TMA7B: variants seen among roughly 807,000 people sequenced by gnomAD.
The protein encoded by TMA7B is translation machinery-associated protein 7B.
chr22:39,964,391 G>A, the TMA7B span: 1 of 769,266 alleles, frequency 1.3e-6, no homozygotes, highest in Non-Finnish European at 2.3e-6. Context: ...AGCCACGAAG[G>A]TGGCAAGAAG....
chr22:39,964,580 G>A, the TMA7B span: 1 of 794,118 alleles, frequency 1.3e-6, no homozygotes. Flanking sequence ...GCTGTTCCTT[G>A]TGCCTAAGGA....
chr22:39,964,359 A>AG, the TMA7B span: 1 of 715,374 alleles, frequency 1.4e-6, no homozygotes, highest in African/African-American at 1.7e-5. Context: ...GGTCTGGGGA[A>AG]GGGGCGGCAG....
the TMA7B span, among the ~76,000 whole-genome samples, chr22:39,963,491 G>C: frequency 6.6e-6 from 1 of 152,158 alleles, no homozygotes. Flanking sequence ...TAATGACTTT[G>C]AGTTGATCCA....
At chr22:39,961,934 A>G in the TMA7B span, among the ~76,000 whole-genome samples, 1 of 152,208 alleles carries the variant, frequency 6.6e-6, no homozygotes, top group Non-Finnish European at 1.5e-5. Flanking sequence ...CAGGTCAACA[A>G]TTTGTATGCA....
chr22:39,961,672 G>T, the TMA7B span, among the ~76,000 whole-genome samples: 2 of 152,190 alleles, frequency 1.3e-5, no homozygotes, highest in Admixed American at 1.3e-4. Context: ...AGGATCGCAA[G>T]TCACGTATCA....
chr22:39,964,685 A>C, the TMA7B span: 3 of 487,758 alleles, frequency 6.2e-6, no homozygotes, highest in African/African-American at 6.4e-5. Context: ...GTCGTCTTGG[A>C]GCTGTTGTAC....
chr22:39,960,902 C>T, the TMA7B span: 3 of 150,864 alleles, frequency 2.0e-5, no homozygotes, highest in African/African-American at 7.3e-5. Context: ...GGGGTTTGAT[C>T]TAAGGTAACA....
chr22:39,962,487 A>G, the TMA7B span, among the ~76,000 whole-genome samples: 2 of 152,074 alleles, frequency 1.3e-5, no homozygotes, highest in South Asian at 2.1e-4. Flanking sequence ...AATTATACAT[A>G]TATTTAACAT....
chr22:39,960,475 C>T, the TMA7B span: 4 of 326,040 alleles, frequency 1.2e-5, no homozygotes, highest in African/African-American at 8.2e-5. Context: ...ATGCCTTTAA[C>T]AGTGTCTTGC....
the TMA7B span, chr22:39,964,415 A>G: frequency 4.8e-6 from 4 of 828,234 alleles, no homozygotes; most frequent in African/African-American, 3.3e-5. Context: ...GCACTGAAAC[A>G]GCCCAAGAAG....
At chr22:39,963,616 T>C in the TMA7B span, among the ~76,000 whole-genome samples, 2 of 152,182 alleles carry the variant, frequency 1.3e-5, no homozygotes, top group Non-Finnish European at 2.9e-5. Flanking sequence ...AGGCCACTTG[T>C]ACAACCTGTG....
chr22:39,961,204 T>A, the TMA7B span, among the ~76,000 whole-genome samples: 1 of 152,100 alleles, frequency 6.6e-6, no homozygotes, highest in Non-Finnish European at 1.5e-5. Context: ...TCCTCCTGCC[T>A]TGGCCTCCCC....
chr22:39,961,656 A>T, the TMA7B span, among the ~76,000 whole-genome samples: 4 of 152,234 alleles, frequency 2.6e-5, no homozygotes, highest in Admixed American at 2.6e-4. Flanking sequence ...TGTGGTCAGC[A>T]TGTTGAGGAT....
chr22:39,964,193 A>G, the TMA7B span: 1 of 537,792 alleles, frequency 1.9e-6, no homozygotes, highest in African/African-American at 1.9e-5. Flanking sequence ...CTTGGCAATG[A>G]AGTAAAACTG....
At chr22:39,964,063 C>T in the TMA7B span, 1 of 276,758 alleles carries the variant, frequency 3.6e-6, no homozygotes, top group Non-Finnish European at 6.8e-6. Context: ...CTCTCCGAGA[C>T]CCTTTAAAAT....
chr22:39,964,846 G>A, the TMA7B span: 9 of 306,666 alleles, frequency 2.9e-5, no homozygotes, highest in South Asian at 8.1e-5. Context: ...CTCTTTGGTC[G>A]TTGTTCTACC....
chr22:39,962,796 C>T, the TMA7B span, among the ~76,000 whole-genome samples: 1 of 151,938 alleles, frequency 6.6e-6, no homozygotes, highest in African/African-American at 2.4e-5. Flanking sequence ...GTAGCTGGGA[C>T]CATGGGTTCG....
the TMA7B span, chr22:39,963,798 A>T: frequency 6.6e-6 from 1 of 152,448 alleles, no homozygotes; most frequent in African/African-American, 2.4e-5. Context: ...TGGGCGGATC[A>T]TGAGGTCAGG....
At chr22:39,961,964 C>T in the TMA7B span, among the ~76,000 whole-genome samples, 947 of 152,336 alleles carry the variant, frequency 6.2e-3, 12 homozygotes, top group African/African-American at 0.022. Flanking sequence ...TTAAAGTGGT[C>T]TCTTTAGCAT....
Sources: allele counts gnomAD v4.1 joint callset (sites outside exome capture counted in the v4.1 genomes callset), GRCh38; gene constraint gnomAD v4.1.1; transcripts MANE v1.5; gene names NCBI Gene and HGNC (gene_info 2026-07-23, HGNC 2026-07-21).